UST: variants seen among roughly 807,000 people sequenced by gnomAD.
UST encodes chondroitin sulfate 2-O-sulfotransferase.
Under a neutral mutation model 45.6 loss-of-function variants are expected in UST, and 21 were observed. The ratio of observed to expected loss-of-function variants is 0.46; its 90% CI spans 0.33 to 0.66. The LOEUF (loss-of-function observed/expected upper bound fraction) is 0.66. Among genes scored for constraint, UST ranks in the 30% least tolerant of loss-of-function variants. UST has a pLI of 0.02. For synonymous variants in UST, 215 were observed against 200.6 expected, an observed-to-expected ratio of 1.07 and a Z score of -0.61; for missense variants, 463 against 512.4, an observed-to-expected ratio of 0.90 and a Z score of 0.93.
intron 7 of UST, chr6:149,027,769 A>C (rs1416237426): frequency 6.6e-6 from 1 of 151,716 alleles, no homozygotes; most frequent in Non-Finnish European, 1.5e-5. Context: ...TTCATAACAC[A>C]CACACACACA....
intron 1 of UST, among the ~76,000 whole-genome samples, chr6:148,762,523 G>T (rs1776240105): frequency 6.6e-6 from 1 of 151,512 alleles, no homozygotes; most frequent in Non-Finnish European, 1.5e-5. Flanking sequence ...TGGTTGCTGG[G>T]CAGGCTTCTA....
At chr6:148,877,608 G>GAGGA (rs1778704441) in intron 1 of UST, among the ~76,000 whole-genome samples, 1 of 141,642 alleles carries the variant, frequency 7.1e-6, no homozygotes, top group Non-Finnish European at 1.5e-5. Flanking sequence ...GTATGAGTGG[G>GAGGA]TCGTGTATGA....
chr6:148,922,478 T>C (rs2114897772), intron 2 of UST, among the ~76,000 whole-genome samples: 1 of 150,040 alleles, frequency 6.7e-6, no homozygotes, highest in East Asian at 2.0e-4. Flanking sequence ...TGCATAGAGA[T>C]GATCTTTCTT....
chr6:148,866,003 G>C (rs927153724), intron 1 of UST, among the ~76,000 whole-genome samples: 1 of 151,944 alleles, frequency 6.6e-6, no homozygotes, highest in African/African-American at 2.4e-5. Flanking sequence ...GAATATATGT[G>C]TGTGTATGTA....
chr6:148,983,479 T>C (rs1200363920), intron 5 of UST, among the ~76,000 whole-genome samples: 1 of 152,122 alleles, frequency 6.6e-6, no homozygotes, highest in East Asian at 1.9e-4. Flanking sequence ...CCTCAATTAG[T>C]CATAATATTT....
At chr6:149,008,475 A>G (rs1775751946) in intron 5 of UST, among the ~76,000 whole-genome samples, 1 of 152,192 alleles carries the variant, frequency 6.6e-6, no homozygotes, top group Admixed American at 6.5e-5. Flanking sequence ...CTAACCCTTA[A>G]GATGATAATA....
intron 4 of UST, 125 bp from the exon 5 acceptor site, chr6:148,964,285 T>C (rs748846351): frequency 1.6e-4 from 184 of 1,159,258 alleles, no homozygotes; most frequent in Non-Finnish European, 2.2e-4. Context: ...TACGTGTCAT[T>C]GGCACCTTAG....
At chr6:148,816,113 A>G (rs754170347) in intron 1 of UST, among the ~76,000 whole-genome samples, 1 of 152,222 alleles carries the variant, frequency 6.6e-6, no homozygotes, top group Non-Finnish European at 1.5e-5. Context: ...TGGGGTGTAG[A>G]TAGAGCACTT....
intron 2 of UST, among the ~76,000 whole-genome samples, chr6:148,933,321 A>G (rs1779957186): frequency 6.6e-6 from 1 of 152,208 alleles, no homozygotes; most frequent in Non-Finnish European, 1.5e-5. Flanking sequence ...TCCACTATAT[A>G]CATAACAGAT....
chr6:149,045,699 G>A (rs1450878489), intron 7 of UST, among the ~76,000 whole-genome samples: 1 of 152,162 alleles, frequency 6.6e-6, no homozygotes, highest in Non-Finnish European at 1.5e-5. Flanking sequence ...GAAAGACTGA[G>A]CTTAAAGCCA....
rs1001643527 is a variant in UST, at chr6:148,934,096, T to A, written c.292-7183T>A. On this transcript the variant is annotated intron_variant, in intron 2 of 7. Transcript: ENST00000367463. This position sits in a 1 kb window ranked among gnomAD's most constrained non-coding sequence, Gnocchi z 4.1. ...AATTTAATAGCTTCAGAAGAAAATA[T>A]CATTTATTGGGTTATAACCTAACTT... Among the ~76,000 whole-genome samples, 1 of 152,178 alleles carries A rather than the reference T, an allele frequency of 6.6e-6. No individual in the cohort carries two copies. Among genetic ancestry groups the A allele is most frequent in the Admixed American group, 6.5e-5 (1 of 15,274 alleles).
At chr6:148,803,190 A>G (rs1226462123) in intron 1 of UST, among the ~76,000 whole-genome samples, 4 of 152,166 alleles carry the variant, frequency 2.6e-5, no homozygotes, top group Non-Finnish European at 5.9e-5. Context: ...TTGTAGATCC[A>G]TAGAATCTCC....
intron 7 of UST, among the ~76,000 whole-genome samples, chr6:149,040,532 G>A (rs1024146641): frequency 6.6e-6 from 1 of 152,124 alleles, no homozygotes; most frequent in Non-Finnish European, 1.5e-5. Context: ...GTGCATGCCT[G>A]TAATCCCAGC....
intron 4 of UST, among the ~76,000 whole-genome samples, chr6:148,954,572 C>T (rs1446379023): frequency 2.0e-5 from 3 of 152,084 alleles, no homozygotes; most frequent in African/African-American, 7.2e-5. Context: ...GGTTTGTAGC[C>T]CAGAAGCAAC....
intron 1 of UST, among the ~76,000 whole-genome samples, chr6:148,750,525 G>A (rs1378150407): frequency 6.6e-6 from 1 of 152,142 alleles, no homozygotes; most frequent in Non-Finnish European, 1.5e-5. Flanking sequence ...TAGCAAGCGA[G>A]GCAGGACTTC....
chr6:148,877,590 GGGGTCGTGTATGAGT>G (rs1778703012), intron 1 of UST, among the ~76,000 whole-genome samples: 1 of 122,668 alleles, frequency 8.2e-6, no homozygotes, highest in Non-Finnish European at 1.8e-5. Flanking sequence ...ATGAGTGCGA[GGGGTCGTGTATGAGT>G]GGGTCGTGTA....
chr6:148,755,328 T>C (rs1037760702), intron 1 of UST, among the ~76,000 whole-genome samples: 2 of 152,108 alleles, frequency 1.3e-5, no homozygotes, highest in East Asian at 1.9e-4. Flanking sequence ...AAATAACTTA[T>C]GAGTTTTAAG....
chr6:148,885,476 A>T (rs1489954113), intron 1 of UST, among the ~76,000 whole-genome samples: 1 of 152,222 alleles, frequency 6.6e-6, no homozygotes. Context: ...TCAGAAGTAC[A>T]TTAATTAAGG....
chr6:148,902,226 T>G (rs1779274021), intron 2 of UST, among the ~76,000 whole-genome samples: 1 of 152,012 alleles, frequency 6.6e-6, no homozygotes, highest in African/African-American at 2.4e-5. Flanking sequence ...AAACTTTGCT[T>G]GATGTTTTAT....
Sources: gnomAD v4.1 joint callset for allele counts (sites outside exome capture counted in the v4.1 genomes callset) on GRCh38, gnomAD v4.1.1 for gene constraint, Gnocchi (gnomAD v3.1) non-coding constraint, MANE v1.5 for transcripts, NCBI Gene and HGNC (gene_info 2026-07-23, HGNC 2026-07-21) for gene names.